The following TTC34 variants were observed in gnomAD, a reference collection of about 807,000 sequenced individuals.
TTC34 encodes tetratricopeptide repeat protein 34.
A neutral mutation model predicts 40.7 loss-of-function variants in TTC34; 44 were observed. The ratio of observed to expected loss-of-function variants is 1.08; its 90% confidence interval spans 0.85 to 1.39. TTC34 has a LOEUF of 1.39. Among genes scored for constraint, TTC34 ranks in the 40% most tolerant of loss-of-function variants. TTC34 has a pLI of 0.00. For missense variants in TTC34, 884 were observed against 838.0 expected, an observed-to-expected ratio of 1.05 and a Z score of -0.68; for synonymous variants, 422 against 398.6, an observed-to-expected ratio of 1.06 and a Z score of -0.70.
intron 6 of TTC34, among the ~76,000 whole-genome samples, chr1:2,693,209 T>G (rs1335983414): frequency 8.5e-5 from 10 of 116,984 alleles, no homozygotes; most frequent in Non-Finnish European, 1.2e-4. Flanking sequence ...TCTGATGGTC[T>G]GGAGCAGAAC....
At chr1:2,750,607 CA>C (rs1641286024) in intron 6 of TTC34, among the ~76,000 whole-genome samples, 1 of 8,726 alleles carries the variant, frequency 1.1e-4, no homozygotes, top group South Asian at 3.6e-3. Context: ...ACCCCACACC[CA>C]CAGGTGAGCA....
At chr1:2,643,547 G>C (rs1181528351) in intron 8 of TTC34, among the ~76,000 whole-genome samples, 1 of 152,040 alleles carries the variant, frequency 6.6e-6, no homozygotes, top group Admixed American at 6.5e-5. Flanking sequence ...CCTCCTCCTG[G>C]CTTGGAAACG....
At chr1:2,647,685 G>A (rs1200225251) in intron 6 of TTC34, among the ~76,000 whole-genome samples, 5 of 152,160 alleles carry the variant, frequency 3.3e-5, no homozygotes, top group South Asian at 2.1e-4. Flanking sequence ...GTCTCACTCT[G>A]TCGCCCAGGC....
At chr1:2,666,162 AC>A (rs1639646151) in intron 6 of TTC34, among the ~76,000 whole-genome samples, 17 of 90,142 alleles carry the variant, frequency 1.9e-4, no homozygotes, top group Admixed American at 1.8e-3. Context: ...CTGGAACAGC[AC>A]CCACACCCAC....
chr1:2,793,880 ATCTTCTGCT>A (rs1348174523), intron 2 of TTC34, among the ~76,000 whole-genome samples: 1 of 151,684 alleles, frequency 6.6e-6, no homozygotes, highest in Non-Finnish European at 1.5e-5. Flanking sequence ...TTCCTTCTCC[ATCTTCTGCT>A]TCTCCTTCTC....
At chr1:2,779,524 C>T (rs148347886) in intron 6 of TTC34, among the ~76,000 whole-genome samples, 2,105 of 152,202 alleles carry the variant, frequency 0.014, 24 homozygotes, top group Admixed American at 0.024. Flanking sequence ...CAGATTTCAC[C>T]GTGTTAGCCA....
chr1:2,640,835 C>T (rs1293622244), exon 9 of TTC34: 1 of 151,278 alleles, frequency 6.6e-6, no homozygotes, highest in Non-Finnish European at 1.5e-5. Flanking sequence ...AAGGTCTGAG[C>T]CCCAGGTGTG....
intron 4 of TTC34, among the ~76,000 whole-genome samples, chr1:2,786,386 G>A (rs990639353): frequency 3.3e-5 from 5 of 152,344 alleles, no homozygotes; most frequent in South Asian, 2.1e-4. Context: ...CTTTGGGGGC[G>A]TTTTGTCTCC....
chr1:2,749,686 C>CAA (rs2100425548), intron 6 of TTC34, among the ~76,000 whole-genome samples: 2 of 101,738 alleles, frequency 2.0e-5, no homozygotes, highest in African/African-American at 5.1e-5. Flanking sequence ...AACCTGCACA[C>CAA]CCAGGTGAGC....
At position 2,751,963 on chromosome 1, in the gene TTC34, C is replaced by T. The variant is rs1182281900; in HGVS notation, c.2226+31646G>A. 2.8e-4 allele frequency among the ~76,000 whole-genome samples: 33 copies of T among 119,436 alleles called. 5 individuals are homozygous for T. Among genetic ancestry groups the T allele is most frequent in the African/African-American group, 1.2e-3 (31 of 26,878 alleles). The allele number at this position is 119,436 out of a possible 152,430, so 78.4% of individuals were successfully genotyped here. A position where few individuals can be genotyped will look rare whatever the true frequency, so the allele number is the denominator to read the frequency against. The stretch of plus-strand genomic sequence containing the variant: ...GAACATCGGAGAGTCTGGAGCAGCG[C>T]CCACACCCCCAGGCGAGCATTTGAC... On this transcript the variant is annotated intron_variant, in intron 6 of 8. Transcript: ENST00000401095.
chr1:2,756,871 A>T (rs1641524298), intron 6 of TTC34, among the ~76,000 whole-genome samples: 21 of 151,758 alleles, frequency 1.4e-4, no homozygotes, highest in African/African-American at 4.8e-4. Context: ...CCACACCTCC[A>T]GGTGAGCATC....
intron 6 of TTC34, among the ~76,000 whole-genome samples, chr1:2,685,061 T>A: frequency 7.0e-6 from 1 of 142,590 alleles, no homozygotes; most frequent in South Asian, 2.2e-4. Context: ...TCTGACAGCC[T>A]GGAACAGCAG....
At chr1:2,798,634 C>T (rs1485541196) in intron 2 of TTC34, among the ~76,000 whole-genome samples, 4 of 117,962 alleles carry the variant, frequency 3.4e-5, no homozygotes, top group Admixed American at 1.7e-4. Context: ...CCTCAGCTCC[C>T]CAGCCACCCA....
At position 2,649,252 on chromosome 1, in the gene TTC34, A is replaced by G. The variant is rs183808485; in HGVS notation, c.2227-3689T>C. Among the ~76,000 whole-genome samples the G allele has an allele frequency of 1.1e-4, 16 of 152,278 alleles. No individual in the cohort carries two copies. The East Asian group carries it at 3.1e-3, about 29-fold the overall frequency. On this transcript the variant is annotated intron_variant, in intron 6 of 8. Transcript: ENST00000401095. ...ATCTGGAACAGGACCCCACAACCCCAGGTGAGCATCTGACAGCCTAAAACA... is the reference window on the plus strand; with the variant it reads ...ATCTGGAACAGGACCCCACAACCCCGGGTGAGCATCTGACAGCCTAAAACA...
chr1:2,749,460 G>A (rs1641246265), intron 6 of TTC34, among the ~76,000 whole-genome samples: 2 of 113,862 alleles, frequency 1.8e-5, no homozygotes, highest in South Asian at 2.9e-4. Flanking sequence ...GTGAGCATCT[G>A]ACGGCCTGGA....
intron 6 of TTC34, among the ~76,000 whole-genome samples, chr1:2,676,916 C>T (rs1180077933): frequency 4.3e-5 from 6 of 138,090 alleles, no homozygotes; most frequent in Non-Finnish European, 7.9e-5. Context: ...CAGCCTGGAG[C>T]AGCACCCACA....
chr1:2,779,931 C>G (rs1643453439), intron 6 of TTC34, among the ~76,000 whole-genome samples: 1 of 152,000 alleles, frequency 6.6e-6, no homozygotes, highest in Non-Finnish European at 1.5e-5. Context: ...TTGAATGACA[C>G]AGTGAAACCT....
At chr1:2,751,444 G>C (rs1265684969) in intron 6 of TTC34, among the ~76,000 whole-genome samples, 2,568 of 15,542 alleles carry the variant, frequency 0.17, 5 homozygotes, top group East Asian at 0.21. Flanking sequence ...ACAGAGCCCA[G>C]ACCCCCAGGT....
intron 6 of TTC34, among the ~76,000 whole-genome samples, chr1:2,692,332 C>G (rs1330526383): frequency 1.5e-5 from 1 of 68,298 alleles, no homozygotes. Context: ...CAGCCTGGAG[C>G]AGCGCCCACA....
Sources: gnomAD v4.1 joint callset for allele counts (sites outside exome capture counted in the v4.1 genomes callset) on GRCh38, gnomAD v4.1.1 for gene constraint, MANE v1.5 for transcripts, NCBI Gene and HGNC (gene_info 2026-07-23, HGNC 2026-07-21) for gene names.